The following SLC24A2 variants were observed in gnomAD, a reference collection of about 807,000 sequenced individuals.
The protein encoded by SLC24A2 is solute carrier family 24 member 2.
Under a neutral mutation model 62.0 loss-of-function variants are expected in SLC24A2, and 36 were observed. The observed-to-expected ratio is 0.58, with a 90% CI of 0.44 to 0.77. SLC24A2 has a LOEUF of 0.77. SLC24A2 is among the 30% of genes least tolerant of loss of function. The pLI, the probability that SLC24A2 is intolerant of heterozygous loss-of-function variation, is 0.00. For missense variants in SLC24A2, 846 were observed against 817.9 expected (o/e 1.03, Z -0.42); for synonymous variants, 358 against 294.0 (o/e 1.22, Z -2.23).
chr9:20,032,841 G>T, the SLC24A2 span, among the ~76,000 whole-genome samples: 1 of 152,158 alleles, frequency 6.6e-6, no homozygotes, highest in Non-Finnish European at 1.5e-5. Context: ...AGGGACAGGA[G>T]CAGGGATGGA....
the SLC24A2 span, among the ~76,000 whole-genome samples, chr9:19,942,297 G>T: frequency 6.6e-6 from 1 of 152,078 alleles, no homozygotes; most frequent in African/African-American, 2.4e-5. Context: ...CTCCCAATAA[G>T]TCTCAAAGAT....
chr9:20,259,332 A>T, the SLC24A2 span, among the ~76,000 whole-genome samples: 8 of 152,236 alleles, frequency 5.3e-5, no homozygotes, highest in African/African-American at 9.6e-5. Flanking sequence ...TAGAAAATTA[A>T]TGCACACAGA....
At chr9:19,641,971 C>T (rs964527442) in intron 2 of SLC24A2, among the ~76,000 whole-genome samples, 2 of 152,058 alleles carry the variant, frequency 1.3e-5, no homozygotes, top group Admixed American at 6.5e-5. Context: ...TCAGCATCAG[C>T]CTCAGTAGGC....
At chr9:20,119,232 T>TA in the SLC24A2 span, among the ~76,000 whole-genome samples, 2 of 152,134 alleles carry the variant, frequency 1.3e-5, no homozygotes, top group African/African-American at 4.8e-5. Flanking sequence ...ACCTGGACTG[T>TA]AGCCTTGTGA....
intron 2 of SLC24A2, among the ~76,000 whole-genome samples, chr9:19,768,207 C>T (rs767217218): frequency 6.6e-6 from 1 of 152,196 alleles, no homozygotes; most frequent in Non-Finnish European, 1.5e-5. Context: ...AACATTTAAA[C>T]CATAGCAACT....
chr9:19,694,549 A>G (rs934974904), intron 2 of SLC24A2, among the ~76,000 whole-genome samples: 1 of 152,176 alleles, frequency 6.6e-6, no homozygotes, highest in Non-Finnish European at 1.5e-5. Flanking sequence ...CTGCCCAAAG[A>G]AAAAAAGAAC....
At chr9:19,778,812 A>C (rs1224717182) in intron 2 of SLC24A2, among the ~76,000 whole-genome samples, 1 of 152,226 alleles carries the variant, frequency 6.6e-6, no homozygotes, top group East Asian at 1.9e-4. Context: ...GTTAAGAATC[A>C]ATAAAACAAC....
At chr9:19,565,444 C>T (rs1168733949) in intron 7 of SLC24A2, among the ~76,000 whole-genome samples, 2 of 150,490 alleles carry the variant, frequency 1.3e-5, no homozygotes, top group Non-Finnish European at 3.0e-5. Context: ...AACTACAAAC[C>T]ACTGCTCAAT....
the SLC24A2 span, among the ~76,000 whole-genome samples, chr9:19,975,798 T>A: frequency 6.6e-6 from 1 of 152,198 alleles, no homozygotes; most frequent in East Asian, 1.9e-4. Flanking sequence ...TAACCCTGTA[T>A]AGGTGGCCCT....
intron 5 of SLC24A2, among the ~76,000 whole-genome samples, chr9:19,578,245 A>G (rs903348282): frequency 1.3e-5 from 2 of 152,054 alleles, no homozygotes; most frequent in East Asian, 3.9e-4. Context: ...ACATAAAAAA[A>G]GTTACTAGAA....
chr9:19,843,082 T>C, the SLC24A2 span, among the ~76,000 whole-genome samples: 3 of 152,200 alleles, frequency 2.0e-5, no homozygotes, highest in East Asian at 5.8e-4. Context: ...TGAACAATGC[T>C]GTCATCTGTT....
chr9:19,687,478 T>C (rs1425893176), intron 2 of SLC24A2, among the ~76,000 whole-genome samples: 1 of 152,028 alleles, frequency 6.6e-6, no homozygotes, highest in Non-Finnish European at 1.5e-5. Flanking sequence ...CCTTTGTCCA[T>C]TTGGGTGGTC....
the SLC24A2 span, among the ~76,000 whole-genome samples, chr9:20,077,084 T>G: frequency 6.6e-6 from 1 of 151,848 alleles, no homozygotes; most frequent in Non-Finnish European, 1.5e-5. Context: ...ATGTGAAATC[T>G]TTTTAAAAAA....
chr9:19,848,899 C>T, the SLC24A2 span, among the ~76,000 whole-genome samples: 1 of 152,136 alleles, frequency 6.6e-6, no homozygotes, highest in Non-Finnish European at 1.5e-5. Context: ...GAATTCTAAC[C>T]AGCTGCTATT....
chr9:20,103,689 A>G, the SLC24A2 span, among the ~76,000 whole-genome samples: 1 of 152,142 alleles, frequency 6.6e-6, no homozygotes, highest in Admixed American at 6.5e-5. Context: ...CACACAAAAA[A>G]CCCACCTGTA....
the SLC24A2 span, among the ~76,000 whole-genome samples, chr9:20,001,365 T>C: frequency 6.6e-6 from 1 of 152,192 alleles, no homozygotes; most frequent in Non-Finnish European, 1.5e-5. Context: ...AGAAGGGAAC[T>C]GTCCTGCGGA....
the SLC24A2 span, among the ~76,000 whole-genome samples, chr9:19,806,210 G>A: frequency 6.6e-6 from 1 of 152,202 alleles, no homozygotes; most frequent in Non-Finnish European, 1.5e-5. Flanking sequence ...TAGGTGTGAA[G>A]ACTGGGTAAA....
At chr9:19,763,136 G>A (rs1252778647) in intron 2 of SLC24A2, among the ~76,000 whole-genome samples, 2 of 152,066 alleles carry the variant, frequency 1.3e-5, no homozygotes, top group South Asian at 2.1e-4. Flanking sequence ...TTGGTGTATA[G>A]GAATGCTTGT....
chr9:19,970,276 T>C, the SLC24A2 span, among the ~76,000 whole-genome samples: 1 of 152,198 alleles, frequency 6.6e-6, no homozygotes, highest in African/African-American at 2.4e-5. Context: ...ACAAAGTCAC[T>C]AACTGGAGAG....
Sources: allele counts gnomAD v4.1 joint callset (sites outside exome capture counted in the v4.1 genomes callset), GRCh38; gene constraint gnomAD v4.1.1; transcripts MANE v1.5; gene names NCBI Gene and HGNC (gene_info 2026-07-23, HGNC 2026-07-21).